The following MYLK variants were observed in gnomAD, a reference collection of about 807,000 sequenced individuals.
MYLK encodes myosin light chain kinase, also known as myosin light chain kinase, smooth muscle.
A neutral mutation model predicts 203.4 loss-of-function variants in MYLK; 106 were observed. The ratio of observed to expected loss-of-function variants is 0.52; its 90% CI spans 0.45 to 0.61. The LOEUF is 0.61. Ranked by LOEUF, MYLK falls within the 20% of genes least tolerant of loss-of-function variation. MYLK has a pLI of 0.00. For missense variants in MYLK, 2,072 were observed against 2,442.3 expected (o/e 0.85, Z 3.20); for synonymous variants, 867 against 959.5 (o/e 0.90, Z 1.78).
At chr3:123,726,198 C>G (rs2062278292) in intron 11 of MYLK, 120 bp from the exon 12 acceptor site, 3 of 1,347,652 alleles carry the variant, frequency 2.2e-6, no homozygotes, top group Non-Finnish European at 2.1e-6. Flanking sequence ...CCCTCGGCAG[C>G]CTGCCTTTGG....
chr3:123,796,312 A>C (rs904376405), intron 3 of MYLK, among the ~76,000 whole-genome samples: 2 of 152,210 alleles, frequency 1.3e-5, no homozygotes, highest in African/African-American at 4.8e-5. Flanking sequence ...GTCCAAGTTC[A>C]TGCATTTAGT....
At chr3:123,685,300 G>T (rs2060411623) in intron 19 of MYLK, among the ~76,000 whole-genome samples, 1 of 152,198 alleles carries the variant, frequency 6.6e-6, no homozygotes, top group South Asian at 2.1e-4. Flanking sequence ...AGCAGGAAAT[G>T]ATCATTTATC....
chr3:123,811,642 T>C (rs1325625167), intron 3 of MYLK, among the ~76,000 whole-genome samples: 1 of 152,124 alleles, frequency 6.6e-6, no homozygotes, highest in Non-Finnish European at 1.5e-5. Context: ...GTGCCTAGCA[T>C]TTATTGAGTG....
intron 13 of MYLK, among the ~76,000 whole-genome samples, chr3:123,715,496 T>C (rs2061860069): frequency 6.6e-6 from 1 of 152,224 alleles, no homozygotes; most frequent in Non-Finnish European, 1.5e-5. Flanking sequence ...TTGATAGTGG[T>C]TTTACTTTAA....
intron 2 of MYLK, among the ~76,000 whole-genome samples, chr3:123,836,861 C>G (rs538667773): frequency 1.3e-5 from 2 of 152,278 alleles, no homozygotes; most frequent in South Asian, 4.1e-4. Flanking sequence ...TGACTTGGAA[C>G]TTTTAAAATT....
chr3:123,796,809 C>T (rs946078309), intron 3 of MYLK, among the ~76,000 whole-genome samples: 1 of 152,050 alleles, frequency 6.6e-6, no homozygotes, highest in African/African-American at 2.4e-5. Flanking sequence ...ATGCTCATAC[C>T]CTCTGTGGGG....
rs976116486 is a variant in MYLK, at chr3:123,617,338, CA to C, written c.5500+1300del. The C allele has an allele frequency of 2.0e-4, 31 of 152,230 alleles. 2 individuals carry two copies. The highest frequency in any genetic ancestry group is 1.7e-3 in the Admixed American group (26 of 15,302). The allele number at this position is 152,230 out of a possible 1,614,324, so 9.4% of individuals were successfully genotyped here. A position where few individuals can be genotyped will look rare whatever the true frequency, so the allele number is the denominator to read the frequency against. ...AAAGAAACTTCAGAAGACCCAAATGCAATGGTAATGGTGAGAATTGCAAGCA... is the reference window on the plus strand; with the variant it reads ...AAAGAAACTTCAGAAGACCCAAATGCATGGTAATGGTGAGAATTGCAAGCA... On this transcript the variant is annotated intron_variant, in intron 33 of 33. Transcript: ENST00000360304.
intron 4 of MYLK, among the ~76,000 whole-genome samples, chr3:123,772,329 C>G (rs1203515711): frequency 6.6e-6 from 1 of 151,920 alleles, no homozygotes; most frequent in Admixed American, 6.6e-5. Flanking sequence ...ATACATAAGA[C>G]TTTAGTATAC....
chr3:123,723,694 T>C (rs2062173806), intron 12 of MYLK, among the ~76,000 whole-genome samples: 1 of 152,228 alleles, frequency 6.6e-6, no homozygotes, highest in Admixed American at 6.5e-5. Flanking sequence ...GCTCGGAGGC[T>C]GGGTTAAACT....
intron 20 of MYLK, among the ~76,000 whole-genome samples, chr3:123,670,974 A>G (rs1265999199): frequency 6.6e-6 from 1 of 152,266 alleles, no homozygotes; most frequent in Admixed American, 6.5e-5. Context: ...AGGCTGGGCT[A>G]GAGGTCCCTG....
chr3:123,861,976 C>T (rs950941657), intron 2 of MYLK, among the ~76,000 whole-genome samples: 4 of 152,182 alleles, frequency 2.6e-5, no homozygotes, highest in Non-Finnish European at 5.9e-5. Context: ...TGTCAGGGAG[C>T]TCTCTGTTCA....
At chr3:123,649,780 T>C (rs368144359) in intron 24 of MYLK, among the ~76,000 whole-genome samples, 1 of 152,214 alleles carries the variant, frequency 6.6e-6, no homozygotes, top group Non-Finnish European at 1.5e-5. Flanking sequence ...AAGTGTACCA[T>C]AATCACGCAC....
chr3:123,664,734 TAAAC>T (rs1167837856), intron 22 of MYLK, among the ~76,000 whole-genome samples: 3 of 152,160 alleles, frequency 2.0e-5, no homozygotes, highest in Non-Finnish European at 2.9e-5. Flanking sequence ...GATGAACAAA[TAAAC>T]AAAATATGGT....
intron 19 of MYLK, among the ~76,000 whole-genome samples, chr3:123,689,424 T>C (rs1438002287): frequency 1.3e-5 from 2 of 152,100 alleles, no homozygotes; most frequent in Non-Finnish European, 2.9e-5. Flanking sequence ...CCCACCATGG[T>C]AATTCACTGC....
intron 7 of MYLK, among the ~76,000 whole-genome samples, chr3:123,738,409 C>A (rs1002650277): frequency 3.3e-5 from 5 of 152,094 alleles, no homozygotes; most frequent in African/African-American, 9.7e-5. Flanking sequence ...ATACAGAGAA[C>A]CCCTGAGAAC....
intron 2 of MYLK, among the ~76,000 whole-genome samples, chr3:123,874,930 A>T (rs900231483): frequency 6.6e-6 from 1 of 152,188 alleles, no homozygotes; most frequent in African/African-American, 2.4e-5. Context: ...AAAACACAAT[A>T]TGATAAAACT....
In MYLK at chr3:123,793,830, C is replaced by T; in HGVS notation, c.12G>A (p.Val4=). 1 of 1,614,200 alleles carries T rather than the reference C, an allele frequency of 6.2e-7. No homozygotes were observed. The highest frequency in any genetic ancestry group is 8.5e-7 in the Non-Finnish European group (1 of 1,180,032). Reference sequence around the variant, plus strand: ...AAATGTGTGACGAGGCAACCAGCTTCACATCCCCCATGGTCTGCAAAAAGG... The same window carrying T: ...AAATGTGTGACGAGGCAACCAGCTTTACATCCCCCATGGTCTGCAAAAAGG... MGD[V]KLVASSHISK... The change falls in exon 4 of 34, where the codon GTG becomes GTA. Residue 4 remains valine, a synonymous_variant. Transcript: ENST00000360304.
chr3:123,862,842 C>G (rs905053391), intron 2 of MYLK, among the ~76,000 whole-genome samples: 1 of 152,066 alleles, frequency 6.6e-6, no homozygotes, highest in African/African-American at 2.4e-5. Context: ...TTTTTTCTAT[C>G]TTCTCCCCAC....
intron 3 of MYLK, among the ~76,000 whole-genome samples, chr3:123,796,558 G>C (rs896347025): frequency 1.1e-4 from 17 of 152,170 alleles, no homozygotes; most frequent in African/African-American, 4.1e-4. Flanking sequence ...TAAAATGTTT[G>C]CACCAAACAA....
Sources: gnomAD v4.1 joint callset for allele counts (sites outside exome capture counted in the v4.1 genomes callset) on GRCh38, gnomAD v4.1.1 for gene constraint, MANE v1.5 for transcripts, NCBI Gene and HGNC (gene_info 2026-07-23, HGNC 2026-07-21) for gene names.